The following KCNIP1 variants were observed in gnomAD, a reference collection of about 807,000 sequenced individuals.
KCNIP1 encodes the protein A-type potassium channel modulatory protein KCNIP1.
A neutral mutation model predicts 33.0 loss-of-function variants in KCNIP1; 18 were observed. The observed-to-expected ratio is 0.55, with a 90% CI of 0.38 to 0.81. The LOEUF is 0.81. KCNIP1 is among the 30% of genes least tolerant of loss of function. The pLI, the probability that KCNIP1 is intolerant of heterozygous loss-of-function variation, is 0.00. For missense variants in KCNIP1, 238 were observed against 271.6 expected (o/e 0.88, Z 0.87); for synonymous variants, 93 against 98.3 (o/e 0.95, Z 0.32).
chr5:170,541,980 TATC>T (rs1561677544), intron 1 of KCNIP1, among the ~76,000 whole-genome samples: 1 of 152,212 alleles, frequency 6.6e-6, no homozygotes, highest in Non-Finnish European at 1.5e-5. Context: ...ATCGTAGTAA[TATC>T]ATCTACAGAG....
At position 170,461,460 on chromosome 5, in the gene KCNIP1, G is replaced by C. The variant is rs56875428; in HGVS notation, c.88+107496G>C. ...ACAGCATGGTACTGGTATAAAAATA[G>C]GCACATAGGGTTGGGTGCAGTGGCT... On this transcript the variant is annotated intron_variant, in intron 1 of 7. Transcript: ENST00000377360. 7.8e-3 allele frequency among the ~76,000 whole-genome samples: 1,188 copies of C among 152,176 alleles called. 10 individuals are homozygous for C. The highest frequency in any genetic ancestry group is 0.027 in the African/African-American group (1,127 of 41,530).
intron 1 of KCNIP1, among the ~76,000 whole-genome samples, chr5:170,659,664 T>C (rs995438949): frequency 2.0e-5 from 3 of 152,194 alleles, no homozygotes; most frequent in Non-Finnish European, 4.4e-5. Context: ...GGAGTTAACA[T>C]GCACAGCTCA....
At chr5:170,589,773 G>A (rs375017053) in intron 1 of KCNIP1, among the ~76,000 whole-genome samples, 10,038 of 119,802 alleles carry the variant, frequency 0.084, 597 homozygotes, top group African/African-American at 0.22. Flanking sequence ...GTGTGGTGTG[G>A]TGTGGTGTGA....
intron 1 of KCNIP1, chr5:170,483,922 G>A (rs919505776): frequency 1.3e-5 from 2 of 152,330 alleles, no homozygotes; most frequent in Non-Finnish European, 2.9e-5. Flanking sequence ...AGACAGCCTG[G>A]GGGAATTGAG....
intron 1 of KCNIP1, among the ~76,000 whole-genome samples, chr5:170,637,392 C>T (rs1026580305): frequency 6.6e-6 from 1 of 152,166 alleles, no homozygotes; most frequent in Non-Finnish European, 1.5e-5. Context: ...GTCCATTCTT[C>T]AACCAGCAGA....
chr5:170,551,264 GC>G (rs1300863383), intron 1 of KCNIP1, among the ~76,000 whole-genome samples: 2 of 152,182 alleles, frequency 1.3e-5, no homozygotes, highest in Non-Finnish European at 2.9e-5. Context: ...CTAGGTTCCT[GC>G]AATGCTTTCT....
At chr5:170,550,596 G>C (rs1296200143) in intron 1 of KCNIP1, among the ~76,000 whole-genome samples, 1 of 151,434 alleles carries the variant, frequency 6.6e-6, no homozygotes, top group African/African-American at 2.4e-5. Context: ...TGGCAATGAT[G>C]ATGATGATGG....
intron 1 of KCNIP1, among the ~76,000 whole-genome samples, chr5:170,711,559 C>A (rs1305161954): frequency 6.6e-6 from 1 of 152,146 alleles, no homozygotes; most frequent in Non-Finnish European, 1.5e-5. Context: ...AAACTATGGG[C>A]TTTAGTTAAT....
intron 1 of KCNIP1, among the ~76,000 whole-genome samples, chr5:170,475,660 C>T (rs75449529): frequency 0.014 from 2,198 of 152,334 alleles, 47 homozygotes; most frequent in East Asian, 0.044. Flanking sequence ...CCAAACACAA[C>T]TGCAGCAGGG....
intron 1 of KCNIP1, among the ~76,000 whole-genome samples, chr5:170,541,085 G>A (rs1382023219): frequency 6.6e-6 from 1 of 152,218 alleles, no homozygotes; most frequent in African/African-American, 2.4e-5. Context: ...TATGAAGTAT[G>A]AGCTTGATAA....
chr5:170,486,448 C>T (rs558758682), intron 1 of KCNIP1: 14 of 152,366 alleles, frequency 9.2e-5, no homozygotes, highest in South Asian at 4.1e-4. Flanking sequence ...GGGTTGGGCA[C>T]GTGGACTCAC....
At chr5:170,434,581 C>T (rs1234251103) in intron 1 of KCNIP1, among the ~76,000 whole-genome samples, 1 of 152,112 alleles carries the variant, frequency 6.6e-6, no homozygotes, top group Non-Finnish European at 1.5e-5. Context: ...TCTCTGCAGA[C>T]TAGGAGCAGC....
At chr5:170,576,532 A>G (rs180730927) in intron 1 of KCNIP1, among the ~76,000 whole-genome samples, 1 of 152,330 alleles carries the variant, frequency 6.6e-6, no homozygotes, top group Admixed American at 6.5e-5. Context: ...AAGCATCTTT[A>G]GCAAATACAA....
intron 1 of KCNIP1, among the ~76,000 whole-genome samples, chr5:170,611,709 G>A (rs1397505254): frequency 6.6e-6 from 1 of 152,212 alleles, no homozygotes; most frequent in Middle Eastern, 3.4e-3. Context: ...TGACCTAATC[G>A]TTTTCAGAGG....
intron 1 of KCNIP1, among the ~76,000 whole-genome samples, chr5:170,684,041 G>T (rs1254791477): frequency 6.6e-6 from 1 of 152,126 alleles, no homozygotes; most frequent in African/African-American, 2.4e-5. Flanking sequence ...ACAGGCATGA[G>T]CCACAGCGCC....
intron 1 of KCNIP1, among the ~76,000 whole-genome samples, chr5:170,443,319 A>G (rs891530671): frequency 2.0e-5 from 3 of 151,764 alleles, no homozygotes; most frequent in African/African-American, 7.3e-5. Flanking sequence ...CGTTCGGTGA[A>G]CACCCCACAG....
At chr5:170,698,522 G>A (rs1457461370) in intron 1 of KCNIP1, among the ~76,000 whole-genome samples, 1 of 152,106 alleles carries the variant, frequency 6.6e-6, no homozygotes, top group Non-Finnish European at 1.5e-5. Flanking sequence ...ACTGGTTTTA[G>A]GAAGGTCACA....
chr5:170,365,280 G>T (rs532089549), intron 1 of KCNIP1, among the ~76,000 whole-genome samples: 1 of 152,130 alleles, frequency 6.6e-6, no homozygotes, highest in African/African-American at 2.4e-5. Context: ...TTCCCTACAG[G>T]CTCGGCACTG....
chr5:170,377,247 T>C (rs1164216692), intron 1 of KCNIP1: 1 of 152,272 alleles, frequency 6.6e-6, no homozygotes, highest in Non-Finnish European at 1.5e-5. Context: ...TACGCATTGT[T>C]AGAACACAGA....
Sources: gnomAD v4.1 joint callset for allele counts (sites outside exome capture counted in the v4.1 genomes callset) on GRCh38, gnomAD v4.1.1 for gene constraint, MANE v1.5 for transcripts, NCBI Gene and HGNC (gene_info 2026-07-23, HGNC 2026-07-21) for gene names.